SEMA5B: variants seen among roughly 807,000 people sequenced by gnomAD.
SEMA5B encodes semaphorin 5B.
Under a neutral mutation model 135.0 loss-of-function variants are expected in SEMA5B, and 66 were observed. The ratio of observed to expected loss-of-function variants is 0.49; its 90% CI spans 0.40 to 0.60. SEMA5B has a LOEUF of 0.60. Among genes scored for constraint, SEMA5B ranks in the 20% least tolerant of loss-of-function variants. SEMA5B has a pLI of 0.00. For synonymous variants in SEMA5B, 690 were observed against 639.5 expected, an observed-to-expected ratio of 1.08 and a Z score of -1.19; for missense variants, 1,501 against 1,566.3, an observed-to-expected ratio of 0.96 and a Z score of 0.70.
intron 1 of SEMA5B, among the ~76,000 whole-genome samples, chr3:123,005,386 G>T (rs1374501312): frequency 2.0e-5 from 3 of 152,228 alleles, no homozygotes; most frequent in Admixed American, 6.5e-5. Flanking sequence ...TTTAGAGAAA[G>T]GGTCTTGCTC....
At chr3:122,986,698 GACACAC>G (rs372930512) in intron 1 of SEMA5B, among the ~76,000 whole-genome samples, 1 of 150,184 alleles carries the variant, frequency 6.7e-6, no homozygotes, top group African/African-American at 2.4e-5. Context: ...CACACACACA[GACACAC>G]ACACACACAC....
chr3:122,919,066 A>G (rs1256638495), intron 12 of SEMA5B, among the ~76,000 whole-genome samples: 1 of 135,374 alleles, frequency 7.4e-6, no homozygotes, highest in East Asian at 2.1e-4. Context: ...GGTTCATTCC[A>G]TGGGCTCGGA....
In SEMA5B at chr3:122,991,662, G is replaced by A. The variant is rs556051731; in HGVS notation, c.-38-30361C>T. Among the ~76,000 whole-genome samples the A allele has an allele frequency of 4.0e-5, 6 of 151,832 alleles. No homozygotes were observed. The East Asian group carries it at 1.2e-3, about 30-fold the overall frequency. ...AGTTGTAAGAAGGAAAATCTCAGAT[G>A]AGTCAGAATCATGGTCCTTCAGCCC... On this transcript the variant is annotated intron_variant, in intron 1 of 22. Coordinates refer to ENST00000357599, the MANE Select transcript of SEMA5B (RefSeq NM_001031702.4).
chr3:122,946,703 G>A (rs1939805476), intron 3 of SEMA5B, among the ~76,000 whole-genome samples: 3 of 152,176 alleles, frequency 2.0e-5, no homozygotes, highest in South Asian at 4.1e-4. Flanking sequence ...CATTAGGTAC[G>A]CAGAGGAAAC....
chr3:122,991,333 C>T (rs1256169092), intron 1 of SEMA5B, among the ~76,000 whole-genome samples: 1 of 152,128 alleles, frequency 6.6e-6, no homozygotes, highest in Non-Finnish European at 1.5e-5. Flanking sequence ...GGACCAAAGG[C>T]CACATGAGGG....
chr3:122,945,942 G>A (rs923272425), intron 3 of SEMA5B, among the ~76,000 whole-genome samples: 19 of 152,062 alleles, frequency 1.2e-4, no homozygotes, highest in African/African-American at 2.2e-4. Flanking sequence ...AGAAGGAGCC[G>A]GGCATAGCAC....
intron 1 of SEMA5B, among the ~76,000 whole-genome samples, chr3:122,970,344 G>A (rs1283668358): frequency 6.6e-6 from 1 of 152,194 alleles, no homozygotes; most frequent in African/African-American, 2.4e-5. Flanking sequence ...ACACTAATGT[G>A]CATCAGAATT....
Position 122,912,082 on chromosome 3 carries a change from G to T in SEMA5B, c.2897-13C>A. 6.2e-7 allele frequency: 1 copy of T among 1,603,640 alleles called. No homozygotes were observed. The highest frequency in any genetic ancestry group is 2.2e-5 in the East Asian group (1 of 44,548). ...GGCGACCAGCCTTCTGGGGATTGTG[G>T]GTAGGATGAGGTTAACTGCCCAGGG... On this transcript the variant is annotated splice_polypyrimidine_tract_variant and intron_variant, in intron 19 of 22. Transcript: ENST00000357599.
intron 1 of SEMA5B, among the ~76,000 whole-genome samples, chr3:122,973,117 C>T (rs1032187224): frequency 3.9e-5 from 6 of 152,202 alleles, no homozygotes; most frequent in Admixed American, 3.9e-4. Flanking sequence ...AGAAAAATCA[C>T]TCATAATACT....
At chr3:122,945,538 G>A (rs1316642893) in intron 3 of SEMA5B, among the ~76,000 whole-genome samples, 2 of 152,136 alleles carry the variant, frequency 1.3e-5, no homozygotes, top group Non-Finnish European at 2.9e-5. Context: ...ATGTTATGGT[G>A]TATTTGACCA....
rs1219054060 is a variant in SEMA5B, at chr3:122,913,250, T to C, written c.2455A>G (p.Thr819Ala). ...TCCGCGGGACAGGTCCTCGTCTCGG[T>C]CCTTCTCCTGCCGAACTGCAGGCCG... ...PHGLQFGRRR[T>A]ETRTCPADGS... Residue 819 changes from threonine (T) to alanine (A), a missense_variant, in exon 17 of 23, where the codon ACC becomes GCC. By Grantham distance (58) the Thr-to-Ala change is moderately conservative. Around this residue, in one of 2 missense-constraint regions of SEMA5B, gnomAD observed 927 missense variants for 881.6 expected, o/e 1.05. Transcript: ENST00000357599. The C allele has an allele frequency of 7.6e-6, 12 of 1,586,532 alleles. No individual in the cohort carries two copies. The African/African-American group carries it at 9.4e-5, about 12-fold the overall frequency.
chr3:122,937,603 T>C lies in SEMA5B; in HGVS notation c.474+1822A>G, dbSNP rs540194560. Among the ~76,000 whole-genome samples the C allele has an allele frequency of 6.6e-5, 10 of 152,252 alleles. No individual in the cohort carries two copies. In the East Asian group the frequency reaches 1.9e-3, roughly 29 times the overall value. On this transcript the variant is annotated intron_variant, in intron 5 of 22. Coordinates refer to ENST00000357599, the MANE Select transcript of SEMA5B (RefSeq NM_001031702.4). ...CAGTTCCTGGTGCTTTGGGGGCTTG[T>C]CTGTAGGGCCCTTCAGGGAATGCCG...
At chr3:122,978,876 C>T (rs1576385890) in intron 1 of SEMA5B, among the ~76,000 whole-genome samples, 1 of 152,200 alleles carries the variant, frequency 6.6e-6, no homozygotes, top group East Asian at 1.9e-4. Context: ...GTTACCACAT[C>T]CTGCAGCTCT....
intron 5 of SEMA5B, 122 bp from the exon 6 acceptor site, chr3:122,929,180 C>A: frequency 1.1e-6 from 1 of 919,328 alleles, no homozygotes; most frequent in South Asian, 1.5e-5. Flanking sequence ...GAGGGCTGGT[C>A]TGCAGGGTGA....
rs143091823 is a variant in SEMA5B at position 122,926,616 on chromosome 3, G to A, written c.912C>T (p.Asn304=). ...TGCGTCCACAGTCGTGCTCCACTGC[G>A]TTCTCCCGCAGGAAGAAGTATGCAA... The part of the protein sequence containing the change: ...GLFAYFFLRE[N]AVEHDCGRTV... The change falls in exon 9 of 23, where the codon AAC becomes AAT. Residue 304 remains asparagine (N), a synonymous_variant. Transcript: ENST00000357599. 5.6e-5 allele frequency: 90 copies of A among 1,614,118 alleles called. No homozygotes were observed. The highest frequency in any genetic ancestry group is 3.3e-4 in the Middle Eastern group (2 of 6,084).
chr3:122,976,235 T>C (rs940216119), intron 1 of SEMA5B: 8 of 1,369,214 alleles, frequency 5.8e-6, no homozygotes, highest in Non-Finnish European at 7.8e-6. Flanking sequence ...TCCTGGGAAC[T>C]TGTTTAAAAT....
chr3:123,008,084 G>A (rs971461527), intron 1 of SEMA5B, among the ~76,000 whole-genome samples: 13 of 152,200 alleles, frequency 8.5e-5, no homozygotes, highest in Non-Finnish European at 1.6e-4. Flanking sequence ...TTGCATGATC[G>A]GCAAAGGCAC....
At chr3:122,925,059 ATG>A (rs1467279492) in intron 9 of SEMA5B, among the ~76,000 whole-genome samples, 1 of 152,136 alleles carries the variant, frequency 6.6e-6, no homozygotes, top group Admixed American at 6.5e-5. Flanking sequence ...GTCAGTTTCG[ATG>A]CCTCTCCACC....
At chr3:122,973,995 C>A (rs1465316938) in intron 1 of SEMA5B, among the ~76,000 whole-genome samples, 1 of 152,198 alleles carries the variant, frequency 6.6e-6, no homozygotes, top group African/African-American at 2.4e-5. Context: ...AGCCTCGGGC[C>A]GTCTAGGAGC....
Sources: gnomAD v4.1 joint callset for allele counts (sites outside exome capture counted in the v4.1 genomes callset) on GRCh38, gnomAD v4.1.1 for gene constraint, gnomAD v4.1.1 regional missense constraint, MANE v1.5 for transcripts, NCBI Gene and HGNC (gene_info 2026-07-23, HGNC 2026-07-21) for gene names.